TICAM1: variants seen among roughly 807,000 people sequenced by gnomAD.
TICAM1 encodes TIR domain-containing adapter molecule 1.
For synonymous variants in TICAM1, 439 were observed against 415.4 expected, an observed-to-expected ratio of 1.06 and a Z score of -0.69; for missense variants, 895 against 938.2, an observed-to-expected ratio of 0.95 and a Z score of 0.60.
chr19:4,828,115 GTTTTT>G (rs1226334196), intron 1 of TICAM1, among the ~76,000 whole-genome samples: 1 of 146,282 alleles, frequency 6.8e-6, no homozygotes, highest in Non-Finnish European at 1.5e-5. Context: ...ACTCTTTTTT[GTTTTT>G]TTTATTTTTT....
chr19:4,830,538 A>C (rs749091810), intron 1 of TICAM1, among the ~76,000 whole-genome samples: 1 of 152,180 alleles, frequency 6.6e-6, no homozygotes, highest in Non-Finnish European at 1.5e-5. Context: ...CCTTTCATGC[A>C]TCGAATATGC....
At chr19:4,823,866 A>G (rs1364851493) in intron 1 of TICAM1, among the ~76,000 whole-genome samples, 2 of 152,156 alleles carry the variant, frequency 1.3e-5, no homozygotes. Flanking sequence ...TACCACAGCC[A>G]CAGTAGCTAA....
rs1004543612 is a variant in TICAM1, at chr19:4,822,590, C to T, written c.-139-4074G>A. 3.9e-5 allele frequency among the ~76,000 whole-genome samples: 6 copies of T among 152,334 alleles called. No individual in the cohort carries two copies. The East Asian group carries it at 1.2e-3, about 29-fold the overall frequency. On this transcript the variant is annotated intron_variant, in intron 1 of 1. Coordinates refer to ENST00000248244, the MANE Select transcript of TICAM1 (RefSeq NM_182919.4). ...TTATTGCAACACAGACATCCTCACT[C>T]ATTTACACACATCGATGGCTGCTTT...
chr19:4,818,664 T>C lies in TICAM1; in HGVS notation c.-139-148A>G, dbSNP rs1362986478. 1.6e-5 allele frequency: 6 copies of C among 385,854 alleles called. No homozygotes were observed. Among genetic ancestry groups the C allele is most frequent in the Non-Finnish European group, 2.8e-5 (6 of 218,172 alleles). The allele number at this position is 385,854 out of a possible 1,614,324, so 23.9% of individuals were successfully genotyped here. A position where few individuals can be genotyped will look rare whatever the true frequency, so the allele number is the denominator to read the frequency against. Reference sequence around the variant, plus strand: ...AACACGTCGCCTCCTTCAACTTCCATTTCTTCCTCTGCAAAATGCTATGAG... The same window carrying C: ...AACACGTCGCCTCCTTCAACTTCCACTTCTTCCTCTGCAAAATGCTATGAG... On this transcript the variant is annotated intron_variant, in intron 1 of 1. Coordinates refer to ENST00000248244, the MANE Select transcript of TICAM1 (RefSeq NM_182919.4). This position sits in a 1 kb window ranked among gnomAD's most constrained non-coding sequence, Gnocchi z 4.0.
intron 1 of TICAM1, among the ~76,000 whole-genome samples, chr19:4,828,500 A>T (rs1298768051): frequency 2.7e-5 from 4 of 150,756 alleles, no homozygotes; most frequent in Non-Finnish European, 5.9e-5. Context: ...GGTATGAGCC[A>T]CTGCACCCAG....
Position 4,817,903 on chromosome 19 carries a change from G to A in TICAM1, c.475C>T (p.Gln159Ter). 2 of 1,613,894 alleles carry A rather than the reference G, an allele frequency of 1.2e-6. No homozygotes were observed. The highest frequency in any genetic ancestry group is 1.7e-6 in the Non-Finnish European group (2 of 1,180,010). Residue 159 changes from glutamine to a stop codon, truncating the protein, a stop_gained, in exon 2 of 2, where the codon CAG (glutamine) becomes TAG (stop). Transcript: ENST00000248244. LOFTEE classifies it low-confidence loss of function (END_TRUNC). This position sits in a 1 kb window ranked among gnomAD's most constrained non-coding sequence, Gnocchi z 4.7. ...GGTGGGAGGCAGCCCAGATTGGACT[G>A]GAGCGTCCGGATGCTCCCTGGATCC... ...AGDPGSIRTL[Q>*]SNLGCLPPSS...
At chr19:4,826,555 C>T (rs2093605718) in intron 1 of TICAM1, among the ~76,000 whole-genome samples, 1 of 152,104 alleles carries the variant, frequency 6.6e-6, no homozygotes, top group East Asian at 1.9e-4. Flanking sequence ...GAACTCCTGA[C>T]CTCAAGTGAT....
At chr19:4,829,806 T>A (rs1171123358) in intron 1 of TICAM1, among the ~76,000 whole-genome samples, 1 of 20,634 alleles carries the variant, frequency 4.8e-5, no homozygotes. Context: ...ATTTCATTTC[T>A]TTTTTTTTTT....
intron 1 of TICAM1, among the ~76,000 whole-genome samples, chr19:4,825,157 G>A (rs2093603645): frequency 6.6e-6 from 1 of 151,996 alleles, no homozygotes; most frequent in Non-Finnish European, 1.5e-5. Context: ...GTGTGCGCCT[G>A]TAATCCCAGC....
chr19:4,817,036 G>A lies in TICAM1; in HGVS notation c.1342C>T (p.His448Tyr), dbSNP rs2093587096. ...AGAAGTAGGATGATGAAAGCTGAGT[G>A]GTCTATGGCGTCCTGCAGGCAGCTC... is the stretch of plus-strand genomic sequence containing the variant. Reference protein sequence around the residue: ...ELSCLQDAIDHSAFIILLLTS... With the variant: ...ELSCLQDAIDYSAFIILLLTS... Residue 448 changes from histidine to tyrosine, a missense_variant, in exon 2 of 2, where the codon CAC (histidine) becomes TAC (tyrosine). Coordinates refer to ENST00000248244, the MANE Select transcript of TICAM1 (RefSeq NM_182919.4). The surrounding 1 kb of genome is among the most constrained non-coding windows in gnomAD (Gnocchi z 4.7). 4.3e-6 allele frequency: 7 copies of A among 1,614,132 alleles called. No individual in the cohort carries two copies. Among genetic ancestry groups the A allele is most frequent in the Non-Finnish European group, 5.9e-6 (7 of 1,180,028 alleles).
At position 4,816,903 on chromosome 19, in the gene TICAM1, A is replaced by G; in HGVS notation, c.1475T>C (p.Leu492Pro). Residue 492 changes from leucine to proline, a missense_variant, in exon 2 of 2, where the codon CTG becomes CCG. By Grantham distance (98) the Leu-to-Pro change is moderately conservative. Transcript: ENST00000248244. This position sits in a 1 kb window ranked among gnomAD's most constrained non-coding sequence, Gnocchi z 4.3. Reference sequence around the variant, plus strand: ...GCTGAGCTGGGCCGGGGAGCTCTCCAGGGGCAGGAAGGGGATGACACAGTC... The same window carrying G: ...GCTGAGCTGGGCCGGGGAGCTCTCCGGGGGCAGGAAGGGGATGACACAGTC... ...SPDCVIPFLP[L>P]ESSPAQLSSD... 6.2e-7 allele frequency: 1 copy of G among 1,613,404 alleles called. No homozygotes were observed. Among genetic ancestry groups the G allele is most frequent in the Non-Finnish European group, 8.5e-7 (1 of 1,180,000 alleles).
At position 4,819,115 on chromosome 19, in the gene TICAM1, A is replaced by G. The variant is rs142542960; in HGVS notation, c.-139-599T>C. ...AGCAGAGTGAAACTCCGGCTCAAAA[A>G]ACAAAAAAAGTAGCTGGGCGTGGTG... On this transcript the variant is annotated intron_variant, in intron 1 of 1. Coordinates refer to ENST00000248244, the MANE Select transcript of TICAM1 (RefSeq NM_182919.4). Among the ~76,000 whole-genome samples, 503 of 152,052 alleles carry G rather than the reference A, an allele frequency of 3.3e-3. 3 individuals carry two copies. Among genetic ancestry groups the G allele is most frequent in the African/African-American group, 0.012 (483 of 41,488 alleles).
rs1304258918 is a variant in TICAM1 at position 4,817,065 on chromosome 19, T to C, written c.1313A>G (p.Glu438Gly). 1.2e-6 allele frequency: 2 copies of C among 1,613,846 alleles called. No homozygotes were observed. The highest frequency in any genetic ancestry group is 1.7e-6 in the Non-Finnish European group (2 of 1,179,996). ...CEDFQVPGRG[E>G]LSCLQDAIDH... ...TATGGCGTCCTGCAGGCAGCTCAGC[T>C]CCCCGCGCCCCGGCACCTGGAAATC... Residue 438 changes from glutamate (E) to glycine (G), a missense_variant, in exon 2 of 2, where the codon GAG (glutamate) becomes GGG (glycine). Physicochemically the swap from Glu to Gly is moderately conservative, Grantham distance 98. Transcript: ENST00000248244. The surrounding 1 kb of genome is among the most constrained non-coding windows in gnomAD (Gnocchi z 4.7).
intron 1 of TICAM1, among the ~76,000 whole-genome samples, chr19:4,830,905 G>A (rs2093612721): frequency 6.6e-6 from 1 of 152,208 alleles, no homozygotes; most frequent in Non-Finnish European, 1.5e-5. Flanking sequence ...AGGCCCTGGG[G>A]CAGGACTGCG....
rs773613526 is a variant in TICAM1, at chr19:4,817,533, G to C, written c.845C>G (p.Ala282Gly). ...GGTATCAGGGAGGCCAGTGGAGGTT[G>C]CATCTGGGGCCACTTCGGGAAGCCC... ...PPGLPEVAPD[A>G]TSTGLPDTPA... Residue 282 changes from alanine to glycine, a missense_variant, in exon 2 of 2, where the codon GCA becomes GGA. Transcript: ENST00000248244. The surrounding 1 kb of genome is among the most constrained non-coding windows in gnomAD (Gnocchi z 4.7). 6.2e-6 allele frequency: 10 copies of C among 1,613,436 alleles called. No homozygotes were observed. The Admixed American group carries it at 1.5e-4, about 24-fold the overall frequency.
In TICAM1 at chr19:4,818,119, C is replaced by T. The variant is rs762322733; in HGVS notation, c.259G>A (p.Glu87Lys). Reference protein sequence around the residue: ...WAGVDSTEDPEEPPDVSWAVA... With the variant: ...WAGVDSTEDPKEPPDVSWAVA... ...GCCCAGGACACATCTGGGGGCTCCT[C>T]TGGGTCCTCGGTGCTGTCCACGCCA... The change falls in exon 2 of 2, where the codon GAG becomes AAG. Residue 87 changes from glutamate to lysine, a missense_variant. By Grantham distance (56) the Glu-to-Lys change is moderately conservative (BLOSUM62 1). Coordinates refer to ENST00000248244, the MANE Select transcript of TICAM1 (RefSeq NM_182919.4). The surrounding 1 kb of genome is among the most constrained non-coding windows in gnomAD (Gnocchi z 4.0). The T allele has an allele frequency of 3.7e-6, 6 of 1,608,564 alleles. No homozygotes were observed. Among genetic ancestry groups the T allele is most frequent in the East Asian group, 2.2e-5 (1 of 44,872 alleles).
chr19:4,831,391 C>T (rs2093613388), intron 1 of TICAM1, among the ~76,000 whole-genome samples: 1 of 151,546 alleles, frequency 6.6e-6, no homozygotes, highest in Non-Finnish European at 1.5e-5. Flanking sequence ...TGGGGAGGAT[C>T]CCGACAGTGG....
At position 4,816,761 on chromosome 19, in the gene TICAM1, C is replaced by T; in HGVS notation, c.1617G>A (p.Met539Ile). The T allele has an allele frequency of 1.2e-6, 2 of 1,613,692 alleles. No homozygotes were observed. The highest frequency in any genetic ancestry group is 8.5e-7 in the Non-Finnish European group (1 of 1,180,022). Residue 539 changes from methionine to isoleucine, a missense_variant, in exon 2 of 2, where the codon ATG becomes ATA. Transcript: ENST00000248244. The surrounding 1 kb of genome is among the most constrained non-coding windows in gnomAD (Gnocchi z 4.3). The part of the protein sequence containing the change: ...KPHRLQARKA[M>I]WRKEQDTRAL... The stretch of plus-strand genomic sequence containing the variant: ...CTCGGGTGTCCTGTTCCTTCCTCCA[C>T]ATGGCCTTTCGGGCCTGAAGCCTGT...
Position 4,816,781 on chromosome 19 carries a change from G to C in TICAM1, c.1597C>G (p.Leu533Val). 1 of 1,613,480 alleles carries C rather than the reference G, an allele frequency of 6.2e-7. No homozygotes were observed. Among genetic ancestry groups the C allele is most frequent in the Middle Eastern group, 1.6e-4 (1 of 6,062 alleles). ...KVANTFKPHR[L>V]QARKAMWRKE... ...CTCCACATGGCCTTTCGGGCCTGAA[G>C]CCTGTGGGGCTTGAAGGTGTTGGCC... The change falls in exon 2 of 2, where the codon CTT (leucine) becomes GTT (valine). Residue 533 changes from leucine to valine, a missense_variant. Transcript: ENST00000248244. This position sits in a 1 kb window ranked among gnomAD's most constrained non-coding sequence, Gnocchi z 4.3.
Sources: gnomAD v4.1 joint callset for allele counts (sites outside exome capture counted in the v4.1 genomes callset) on GRCh38, gnomAD v4.1.1 for gene constraint, Gnocchi (gnomAD v3.1) non-coding constraint, MANE v1.5 for transcripts, NCBI Gene and HGNC (gene_info 2026-07-23, HGNC 2026-07-21) for gene names.